The following KBTBD12 variants were observed in gnomAD, a reference collection of about 807,000 sequenced individuals.
The protein encoded by KBTBD12 is kelch repeat and BTB domain-containing protein 12.
In KBTBD12, 53 loss-of-function variants were observed where a neutral mutation model predicts 58.7. That is an observed-to-expected ratio of 0.90 (90% CI 0.72 to 1.14). KBTBD12 has a LOEUF of 1.14. Among genes scored for constraint, KBTBD12 ranks in the 50% most tolerant of loss-of-function variants. KBTBD12 has a pLI of 0.00. For synonymous variants in KBTBD12, 236 were observed against 259.8 expected (o/e 0.91, Z 0.88); for missense variants, 704 against 751.3 (o/e 0.94, Z 0.74).
chr3:127,921,445 A>G (rs1939406140), intron 1 of KBTBD12, among the ~76,000 whole-genome samples: 1 of 152,166 alleles, frequency 6.6e-6, no homozygotes, highest in Admixed American at 6.5e-5. Flanking sequence ...GCCAAGGTTT[A>G]GGCTAAACTG....
At chr3:127,934,461 C>A (rs1939779282) in intron 4 of KBTBD12, among the ~76,000 whole-genome samples, 1 of 151,920 alleles carries the variant, frequency 6.6e-6, no homozygotes, top group Non-Finnish European at 1.5e-5. Flanking sequence ...AATATCAAAC[C>A]TATGAACAGA....
At chr3:127,925,693 T>G (rs1471448454) in intron 2 of KBTBD12, among the ~76,000 whole-genome samples, 1 of 152,192 alleles carries the variant, frequency 6.6e-6, no homozygotes, top group African/African-American at 2.4e-5. Flanking sequence ...TCCACATTGG[T>G]CAGAGTTAGA....
chr3:127,987,524 T>G lies in KBTBD12; in HGVS notation c.*3246T>G, dbSNP rs996194528. 6.6e-6 allele frequency: 1 copy of G among 152,236 alleles called. No homozygotes were observed. The highest frequency in any genetic ancestry group is 1.5e-5 in the Non-Finnish European group (1 of 68,044). The allele number at this position is 152,236 out of a possible 1,614,324, so 9.4% of individuals were successfully genotyped here. On this transcript the variant is annotated 3_prime_UTR_variant, in exon 6 of 6. Transcript: ENST00000405109. ...CAAGGAAACACAATAAGGAAGTAAT[T>G]TGGATGCTAGGCTGGCAGAAGCCTG...
intron 4 of KBTBD12, among the ~76,000 whole-genome samples, chr3:127,953,838 C>T (rs772493661): frequency 2.6e-5 from 4 of 152,214 alleles, no homozygotes; most frequent in Non-Finnish European, 5.9e-5. Context: ...GTTACATGTG[C>T]ATTTTGTCAG....
At position 127,923,277 on chromosome 3, in the gene KBTBD12, C is replaced by T; in HGVS notation, c.216C>T (p.Val72=). The change falls in exon 2 of 6, where the codon GTC becomes GTT. Residue 72 remains valine (V), a synonymous_variant. Transcript: ENST00000405109. ...TACTTGAATGTAATCAAAGGGAAGT[C>T]ATACTTTATGACATCACAGCAGAAA... ...CGLLECNQRE[V]ILYDITAESV... 6.2e-7 allele frequency: 1 copy of T among 1,613,720 alleles called. No individual in the cohort carries two copies. Among genetic ancestry groups the T allele is most frequent in the Non-Finnish European group, 8.5e-7 (1 of 1,179,760 alleles).
chr3:127,930,677 G>A (rs1939680350), intron 4 of KBTBD12, among the ~76,000 whole-genome samples: 1 of 152,200 alleles, frequency 6.6e-6, no homozygotes, highest in East Asian at 1.9e-4. Context: ...AGGTAAGACT[G>A]TGCCACAGAT....
At chr3:127,953,927 T>C (rs1940264652) in intron 4 of KBTBD12, among the ~76,000 whole-genome samples, 1 of 152,220 alleles carries the variant, frequency 6.6e-6, no homozygotes, top group Admixed American at 6.5e-5. Flanking sequence ...ATAAGTCTTA[T>C]GAGTCAATGA....
chr3:127,924,987 C>G (rs1343929028), intron 2 of KBTBD12, among the ~76,000 whole-genome samples: 1 of 152,174 alleles, frequency 6.6e-6, no homozygotes, highest in African/African-American at 2.4e-5. Context: ...TTTCTCCTCT[C>G]AGTTCTCTTT....
intron 1 of KBTBD12, 116 bp downstream of exon 1, chr3:127,915,702 C>T (rs1418057390): frequency 6.6e-6 from 1 of 152,308 alleles, no homozygotes; most frequent in Non-Finnish European, 1.5e-5. Context: ...GCAGCCTCGG[C>T]TCTAAGTGAC....
rs532048983 is a variant in KBTBD12, at chr3:127,960,087, G to A, written c.1493-3102G>A. 1.4e-4 allele frequency among the ~76,000 whole-genome samples: 22 copies of A among 152,270 alleles called. 1 individual carries two copies. The South Asian group carries it at 4.1e-3, about 29-fold the overall frequency. ...AATAGAATAAGCCTGCCACCTTGAGGTGACCCTGCAGGCAGAGGACATTGG... is the reference window on the plus strand; with the variant it reads ...AATAGAATAAGCCTGCCACCTTGAGATGACCCTGCAGGCAGAGGACATTGG... On this transcript the variant is annotated intron_variant, in intron 4 of 5. Transcript: ENST00000405109.
At chr3:127,970,758 G>T (rs1480628809) in intron 5 of KBTBD12, among the ~76,000 whole-genome samples, 1 of 152,178 alleles carries the variant, frequency 6.6e-6, no homozygotes, top group African/African-American at 2.4e-5. Flanking sequence ...GCAGAAAGTA[G>T]ATTTGTGATT....
At chr3:127,966,902 C>T (rs919929109) in intron 5 of KBTBD12, among the ~76,000 whole-genome samples, 9 of 152,196 alleles carry the variant, frequency 5.9e-5, no homozygotes, top group African/African-American at 2.2e-4. Context: ...AAGAATCAGA[C>T]TTCTGAATGA....
Position 127,921,502 on chromosome 3 carries a change from A to G in KBTBD12, c.-112-1448A>G, listed in dbSNP as rs1576369109. On this transcript the variant is annotated intron_variant, in intron 1 of 5. Transcript: ENST00000405109. The stretch of plus-strand genomic sequence containing the variant: ...CCCATGTACAATGCGAGTGTCTTCT[A>G]TGTACCTTATATGTACAAGAAACAA... Among the ~76,000 whole-genome samples the G allele has an allele frequency of 2.6e-5, 4 of 152,146 alleles. No individual in the cohort carries two copies. In the South Asian group the frequency reaches 6.2e-4, roughly 24 times the overall value.
In KBTBD12 at chr3:127,929,986, C is replaced by T; in HGVS notation, c.1342-147C>T. The T allele has an allele frequency of 7.7e-6, 5 of 645,998 alleles. No individual in the cohort carries two copies. In the South Asian group the frequency reaches 7.9e-5, roughly 10 times the overall value. The allele number at this position is 645,998 out of a possible 1,614,324, so 40.0% of individuals were successfully genotyped here. ...TTGACAGTATACTTATAACCCCCGT[C>T]ATGGGGTTTGGTGTGTTTGTGAGTA... On this transcript the variant is annotated intron_variant, in intron 3 of 5. Transcript: ENST00000405109.
intron 5 of KBTBD12, among the ~76,000 whole-genome samples, chr3:127,971,333 G>A (rs773600213): frequency 6.6e-6 from 1 of 152,174 alleles, no homozygotes; most frequent in Non-Finnish European, 1.5e-5. Context: ...TAATCATAAT[G>A]AACTGAATAC....
intron 4 of KBTBD12, among the ~76,000 whole-genome samples, chr3:127,934,775 G>GA (rs1939790542): frequency 6.6e-6 from 1 of 151,840 alleles, no homozygotes; most frequent in African/African-American, 2.4e-5. Context: ...AGTGTTACAA[G>GA]AAAAAAAACT....
chr3:127,976,341 C>G (rs77453966), intron 5 of KBTBD12, among the ~76,000 whole-genome samples: 2,382 of 152,298 alleles, frequency 0.016, 54 homozygotes, highest in African/African-American at 0.053. Context: ...CATGTCTTCT[C>G]AGTTTTCTTA....
chr3:127,981,227 A>C (rs931621537), intron 5 of KBTBD12, among the ~76,000 whole-genome samples: 1 of 152,186 alleles, frequency 6.6e-6, no homozygotes, highest in African/African-American at 2.4e-5. Context: ...AGCTTGTTCC[A>C]TGTGCTTCTT....
intron 4 of KBTBD12, among the ~76,000 whole-genome samples, chr3:127,948,310 T>A (rs1427220308): frequency 6.7e-6 from 1 of 149,718 alleles, no homozygotes; most frequent in Non-Finnish European, 1.5e-5. Flanking sequence ...CCTTGGGGAG[T>A]CCCTAGTTCT....
Sources: gnomAD v4.1 joint callset for allele counts (sites outside exome capture counted in the v4.1 genomes callset) on GRCh38, gnomAD v4.1.1 for gene constraint, MANE v1.5 for transcripts, NCBI Gene and HGNC (gene_info 2026-07-23, HGNC 2026-07-21) for gene names.